The following SLC24A2 variants were observed in gnomAD, a reference collection of about 807,000 sequenced individuals.
The protein encoded by SLC24A2 is sodium/potassium/calcium exchanger 2.
A neutral mutation model predicts 62.0 loss-of-function variants in SLC24A2; 36 were observed. The ratio of observed to expected loss-of-function variants is 0.58; its 90% CI spans 0.44 to 0.77. The LOEUF (loss-of-function observed/expected upper bound fraction) is 0.77. Ranked by LOEUF, SLC24A2 falls within the 30% of genes least tolerant of loss-of-function variation. The probability of loss-of-function intolerance (pLI) is 0.00; values close to 1 mark genes in which losing one functional copy is unlikely to be tolerated. For synonymous variants in SLC24A2, 358 were observed against 294.0 expected (o/e 1.22, Z -2.23); for missense variants, 846 against 817.9 (o/e 1.03, Z -0.42).
chr9:19,911,698 T>C, the SLC24A2 span, among the ~76,000 whole-genome samples: 1 of 152,202 alleles, frequency 6.6e-6, no homozygotes, highest in African/African-American at 2.4e-5. Context: ...CTTCTCTTCC[T>C]AGCAATGAGA....
the SLC24A2 span, among the ~76,000 whole-genome samples, chr9:20,186,553 C>T: frequency 6.6e-6 from 1 of 152,158 alleles, no homozygotes; most frequent in Non-Finnish European, 1.5e-5. Context: ...CTACAACCTA[C>T]TTTTGCTGTT....
At chr9:19,817,769 G>T in the SLC24A2 span, among the ~76,000 whole-genome samples, 1 of 151,994 alleles carries the variant, frequency 6.6e-6, no homozygotes, top group Non-Finnish European at 1.5e-5. Flanking sequence ...TTGCTCTGTT[G>T]CTCAGGCTGG....
At chr9:20,222,068 G>C in the SLC24A2 span, among the ~76,000 whole-genome samples, 1 of 151,956 alleles carries the variant, frequency 6.6e-6, no homozygotes, top group Admixed American at 6.6e-5. Flanking sequence ...TTGCTCATTG[G>C]TAGTAAAAGT....
chr9:19,848,214 T>A, the SLC24A2 span, among the ~76,000 whole-genome samples: 1 of 152,170 alleles, frequency 6.6e-6, no homozygotes, highest in South Asian at 2.1e-4. Context: ...AAAATAAGCA[T>A]TGATTTCTGT....
the SLC24A2 span, among the ~76,000 whole-genome samples, chr9:20,214,485 G>A: frequency 6.6e-6 from 1 of 151,834 alleles, no homozygotes; most frequent in Admixed American, 6.6e-5. Context: ...CATTGTGGTG[G>A]GCCCCTGTAG....
intron 2 of SLC24A2, among the ~76,000 whole-genome samples, chr9:19,640,949 G>A (rs1818477042): frequency 6.6e-6 from 1 of 152,216 alleles, no homozygotes; most frequent in Non-Finnish European, 1.5e-5. Context: ...GTAAGCTAAT[G>A]AAAGTTTTAA....
chr9:20,217,511 G>T, the SLC24A2 span, among the ~76,000 whole-genome samples: 3 of 152,196 alleles, frequency 2.0e-5, no homozygotes, highest in African/African-American at 7.2e-5. Context: ...TTGACAGGAG[G>T]AATAATGAAG....
chr9:19,822,463 G>A, the SLC24A2 span, among the ~76,000 whole-genome samples: 3 of 152,062 alleles, frequency 2.0e-5, no homozygotes, highest in African/African-American at 7.2e-5. Context: ...ACTGATGCTG[G>A]TCTTACTCTC....
chr9:19,709,880 C>G (rs530712920), intron 2 of SLC24A2, among the ~76,000 whole-genome samples: 1 of 151,724 alleles, frequency 6.6e-6, no homozygotes, highest in East Asian at 1.9e-4. Flanking sequence ...TGCACATGTA[C>G]CCTAAAGCTT....
the SLC24A2 span, among the ~76,000 whole-genome samples, chr9:19,888,743 G>A: frequency 6.6e-6 from 1 of 152,218 alleles, no homozygotes; most frequent in Non-Finnish European, 1.5e-5. Flanking sequence ...CTGCTGCCTC[G>A]GTGTCTAGTC....
At position 19,587,355 on chromosome 9, in the gene SLC24A2, T is replaced by G. The variant is rs1235624707; in HGVS notation, c.1129+9874A>C. Among the ~76,000 whole-genome samples, 4 of 152,238 alleles carry G rather than the reference T, an allele frequency of 2.6e-5. No homozygotes were observed. The South Asian group carries it at 8.3e-4, about 31-fold the overall frequency. On this transcript the variant is annotated intron_variant, in intron 5 of 10. Coordinates refer to ENST00000341998, the MANE Select transcript of SLC24A2 (RefSeq NM_020344.4). ...GTATTCAGTAGTTGCCCCTATTTTGTGAACTTATAGCATGTATTGTCCCCT... is the reference window on the plus strand; with the variant it reads ...GTATTCAGTAGTTGCCCCTATTTTGGGAACTTATAGCATGTATTGTCCCCT...
At chr9:20,207,767 A>C in the SLC24A2 span, among the ~76,000 whole-genome samples, 1 of 152,236 alleles carries the variant, frequency 6.6e-6, no homozygotes, top group Middle Eastern at 3.2e-3. Context: ...TACATGTGTT[A>C]GCCACTACAA....
In SLC24A2 at chr9:19,509,159, T is replaced by C. The variant is rs746578099; in HGVS notation, c.*6994A>G. On this transcript the variant is annotated 3_prime_UTR_variant, in exon 11 of 11. Transcript: ENST00000341998. ...TTTCATTTTCCATATGGGTGAACTTTGCTTTATATAACAAAATGGATTCCT... is the reference window on the plus strand; with the variant it reads ...TTTCATTTTCCATATGGGTGAACTTCGCTTTATATAACAAAATGGATTCCT... 9 of 152,216 alleles carry C rather than the reference T, an allele frequency of 5.9e-5. No homozygotes were observed. The highest frequency in any genetic ancestry group is 1.2e-4 in the Non-Finnish European group (8 of 68,032). The allele number at this position is 152,216 out of a possible 1,614,324, so 9.4% of individuals were successfully genotyped here.
chr9:20,072,722 T>C, the SLC24A2 span, among the ~76,000 whole-genome samples: 2 of 151,886 alleles, frequency 1.3e-5, no homozygotes, highest in South Asian at 2.1e-4. Context: ...TGTAATGATA[T>C]AAGTAGAGAG....
chr9:19,986,723 A>G, the SLC24A2 span, among the ~76,000 whole-genome samples: 1 of 152,192 alleles, frequency 6.6e-6, no homozygotes, highest in Admixed American at 6.5e-5. Flanking sequence ...CCATTTATAC[A>G]AATTATCTTG....
the SLC24A2 span, among the ~76,000 whole-genome samples, chr9:19,925,735 G>C: frequency 1.3e-5 from 2 of 152,216 alleles, no homozygotes; most frequent in Non-Finnish European, 2.9e-5. Context: ...GGGATCTGAT[G>C]TGACAGGGTT....
the SLC24A2 span, among the ~76,000 whole-genome samples, chr9:19,855,907 C>G: frequency 1.3e-5 from 2 of 152,274 alleles, no homozygotes; most frequent in South Asian, 4.2e-4. Flanking sequence ...TTCTCCCTGT[C>G]TTTTTCAGGT....
intron 2 of SLC24A2, among the ~76,000 whole-genome samples, chr9:19,744,539 G>T (rs1022050250): frequency 5.9e-5 from 9 of 152,158 alleles, no homozygotes; most frequent in African/African-American, 1.9e-4. Flanking sequence ...CAAAGCATAT[G>T]CCCCAAGGAA....
intron 7 of SLC24A2, among the ~76,000 whole-genome samples, chr9:19,551,313 C>G (rs778353841): frequency 6.6e-6 from 1 of 152,204 alleles, no homozygotes; most frequent in Admixed American, 6.5e-5. Context: ...GAACAAACTT[C>G]AGAGTCTCTG....
Sources: allele counts gnomAD v4.1 joint callset (sites outside exome capture counted in the v4.1 genomes callset), GRCh38; gene constraint gnomAD v4.1.1; transcripts MANE v1.5; gene names NCBI Gene and HGNC (gene_info 2026-07-23, HGNC 2026-07-21).